The following FAM180A variants were observed in gnomAD, a reference collection of about 807,000 sequenced individuals.
FAM180A encodes protein FAM180A.
Under a neutral mutation model 15.3 loss-of-function variants are expected in FAM180A, and 14 were observed. That is an observed-to-expected ratio of 0.92 (90% confidence interval 0.61 to 1.43). The LOEUF is 1.43. Ranked by LOEUF, FAM180A falls within the 40% of genes most tolerant of loss-of-function variation. FAM180A has a pLI of 0.00. For missense variants in FAM180A, 200 were observed against 220.8 expected (o/e 0.91, Z 0.60); for synonymous variants, 90 against 96.8 (o/e 0.93, Z 0.41).
intron 1 of FAM180A, among the ~76,000 whole-genome samples, chr7:135,745,205 A>G (rs56168740): frequency 0.12 from 18,697 of 152,188 alleles, 1,270 homozygotes; most frequent in South Asian, 0.21. Flanking sequence ...CTCATGGAAC[A>G]TTCATGACTG....
intron 1 of FAM180A, among the ~76,000 whole-genome samples, chr7:135,738,811 A>G (rs920830959): frequency 6.6e-6 from 1 of 152,212 alleles, no homozygotes; most frequent in Non-Finnish European, 1.5e-5. Context: ...CAGCTGATAG[A>G]AAAAGGTACA....
At chr7:135,731,508 A>G (rs890600103) in intron 3 of FAM180A, among the ~76,000 whole-genome samples, 8 of 151,988 alleles carry the variant, frequency 5.3e-5, no homozygotes, top group African/African-American at 1.9e-4. Context: ...ATTGGGCCCA[A>G]ATATACAGCA....
Position 135,730,003 on chromosome 7 carries a change from G to A in FAM180A, c.*608C>T. 2 of 970,648 alleles carry A rather than the reference G, an allele frequency of 2.1e-6. No individual in the cohort carries two copies. The highest frequency in any genetic ancestry group is 1.8e-5 in the African/African-American group (1 of 56,994). The allele number at this position is 970,648 out of a possible 1,614,324, so 60.1% of individuals were successfully genotyped here. On this transcript the variant is annotated 3_prime_UTR_variant, in exon 4 of 4. Coordinates refer to ENST00000338588, the MANE Select transcript of FAM180A (RefSeq NM_205855.4). The stretch of plus-strand genomic sequence containing the variant: ...GTTAAGATGGTACATTTTACCTGAT[G>A]TGTTTTTTACCACAATAAAAAAAAT...
In FAM180A at chr7:135,746,675, C is replaced by G. The variant is rs749522696; in HGVS notation, c.76+1830G>C. On this transcript the variant is annotated intron_variant, in intron 1 of 3. Coordinates refer to ENST00000338588, the MANE Select transcript of FAM180A (RefSeq NM_205855.4). Reference sequence around the variant, plus strand: ...CCCAGTGTGACAAAGAGGGGAGTGACAGAACCCAACTCCAAGATCTCTTTG... The same window carrying G: ...CCCAGTGTGACAAAGAGGGGAGTGAGAGAACCCAACTCCAAGATCTCTTTG... Among the ~76,000 whole-genome samples, 4 of 152,204 alleles carry G rather than the reference C, an allele frequency of 2.6e-5. No homozygotes were observed. In the East Asian group the frequency reaches 7.7e-4, roughly 29 times the overall value.
rs1286016080 is a variant in FAM180A, at chr7:135,736,990, G to A, written c.177+109C>T. Reference sequence around the variant, plus strand: ...TTAGGCTATTCCCTACCACAGCAGGGGTCACTCATGGTCAGGGGCTGAGGG... The same window carrying A: ...TTAGGCTATTCCCTACCACAGCAGGAGTCACTCATGGTCAGGGGCTGAGGG... On this transcript the variant is annotated intron_variant, in intron 2 of 3. Coordinates refer to ENST00000338588, the MANE Select transcript of FAM180A (RefSeq NM_205855.4). 5.0e-6 allele frequency: 4 copies of A among 803,682 alleles called. No individual in the cohort carries two copies. The African/African-American group carries it at 6.8e-5, about 14-fold the overall frequency. The allele number at this position is 803,682 out of a possible 1,614,324, so 49.8% of individuals were successfully genotyped here.
rs780576658 is a variant in FAM180A at position 135,748,548 on chromosome 7, C to G, written c.33G>C (p.Leu11Phe). MHWKMLLLLLLYYNAEASMCH... is the reference protein window; with the variant it reads MHWKMLLLLLFYYNAEASMCH... ...ACATAGAAGCCTCAGCATTGTAATA[C>G]AACAGCAGAAGCAGCAACATCTTCC... Residue 11 changes from leucine (L) to phenylalanine (F), a missense_variant, in exon 1 of 4, where the codon TTG becomes TTC. Physicochemically the swap from Leu to Phe is conservative, Grantham distance 22 (BLOSUM62 0). Transcript: ENST00000338588. The G allele has an allele frequency of 1.9e-6, 3 of 1,614,170 alleles. No homozygotes were observed. Among genetic ancestry groups the G allele is most frequent in the Non-Finnish European group, 1.7e-6 (2 of 1,179,994 alleles).
chr7:135,741,031 G>A (rs1035786281), intron 1 of FAM180A, among the ~76,000 whole-genome samples: 2 of 151,820 alleles, frequency 1.3e-5, no homozygotes, highest in Admixed American at 6.6e-5. Context: ...ATGTCAGGGC[G>A]TGGAGCCCTT....
rs144726822 is a variant in FAM180A at position 135,731,802 on chromosome 7, G to A, written c.*330-1521C>T. Among the ~76,000 whole-genome samples, 300 of 152,260 alleles carry A rather than the reference G, an allele frequency of 2.0e-3. 4 individuals are homozygous for A. In the East Asian group the frequency reaches 0.021, roughly 11 times the overall value. On this transcript the variant is annotated intron_variant, in intron 3 of 3. Coordinates refer to ENST00000338588, the MANE Select transcript of FAM180A (RefSeq NM_205855.4). ...TAGTATTTCTCCAAAAAGATCATGC[G>A]GCTAGCACTGCTATGCAAAGCTTAT...
At chr7:135,739,430 GA>G in intron 1 of FAM180A, among the ~76,000 whole-genome samples, 1 of 151,668 alleles carries the variant, frequency 6.6e-6, no homozygotes, top group South Asian at 2.1e-4. Context: ...GTAACATGGT[GA>G]AACCCCATCT....
chr7:135,735,766 G>A (rs548674990), intron 2 of FAM180A, among the ~76,000 whole-genome samples: 1 of 152,070 alleles, frequency 6.6e-6, no homozygotes, highest in Non-Finnish European at 1.5e-5. Flanking sequence ...ACGGTGGTGC[G>A]ATCTGAGATC....
intron 3 of FAM180A, among the ~76,000 whole-genome samples, chr7:135,732,183 T>C (rs931944116): frequency 6.6e-6 from 1 of 152,154 alleles, no homozygotes; most frequent in African/African-American, 2.4e-5. Context: ...AAGAAAAATA[T>C]GCTCTAATAG....
intron 1 of FAM180A, among the ~76,000 whole-genome samples, chr7:135,743,030 A>G (rs1796974219): frequency 6.6e-6 from 1 of 152,230 alleles, no homozygotes; most frequent in African/African-American, 2.4e-5. Flanking sequence ...TAACTACAGA[A>G]AGGATAAATG....
rs147558222 is a variant in FAM180A at position 135,747,327 on chromosome 7, G to A, written c.76+1178C>T. Among the ~76,000 whole-genome samples, 249 of 152,130 alleles carry A rather than the reference G, an allele frequency of 1.6e-3. 1 individual carries two copies. The highest frequency in any genetic ancestry group is 5.5e-3 in the African/African-American group (229 of 41,514). The stretch of plus-strand genomic sequence containing the variant: ...AAAAAAAGAAAAGGGAGGGGTGTAC[G>A]TGTGTATGTGCATGTGTATGCAAGG... On this transcript the variant is annotated intron_variant, in intron 1 of 3. Transcript: ENST00000338588.
chr7:135,730,774 A>AAAGAATAG (rs776941591), intron 3 of FAM180A, among the ~76,000 whole-genome samples: 9 of 152,146 alleles, frequency 5.9e-5, no homozygotes, highest in Non-Finnish European at 1.2e-4. Context: ...CTCCTTGGGC[A>AAAGAATAG]AAGAATAGGG....
At chr7:135,736,683 G>A (rs1796877128) in intron 2 of FAM180A, among the ~76,000 whole-genome samples, 1 of 152,188 alleles carries the variant, frequency 6.6e-6, no homozygotes. Flanking sequence ...TGGCAGCTCA[G>A]CCAGACAGCA....
intron 1 of FAM180A, among the ~76,000 whole-genome samples, chr7:135,744,086 C>G (rs1400733203): frequency 6.6e-6 from 1 of 152,168 alleles, no homozygotes; most frequent in Admixed American, 6.5e-5. Context: ...CTACCTCCCC[C>G]ACACCTTAGC....
chr7:135,733,697 A>G lies in FAM180A; in HGVS notation c.*278T>C. On this transcript the variant is annotated 3_prime_UTR_variant, in exon 3 of 4. Coordinates refer to ENST00000338588, the MANE Select transcript of FAM180A (RefSeq NM_205855.4). ...ACTGCTCTGGGTTGAAGCATATCAG[A>G]ATTCTGCCTGCCATAGGCAAACCAT... 3.2e-6 allele frequency: 4 copies of G among 1,238,922 alleles called. No homozygotes were observed. Among genetic ancestry groups the G allele is most frequent in the Non-Finnish European group, 4.0e-6 (4 of 989,944 alleles). 76.7% of individuals were successfully genotyped at this position (1,238,922 alleles called of 1,614,324 possible).
chr7:135,743,571 G>T (rs74947449), intron 1 of FAM180A, among the ~76,000 whole-genome samples: 2,771 of 152,128 alleles, frequency 0.018, 49 homozygotes, highest in East Asian at 0.077. Context: ...TCTGCCTATT[G>T]CACACCTGCC....
chr7:135,737,479 T>C (rs1253770268), intron 1 of FAM180A, among the ~76,000 whole-genome samples: 1 of 148,138 alleles, frequency 6.8e-6, no homozygotes, highest in Non-Finnish European at 1.5e-5. Context: ...TGCAGCTACA[T>C]GGAAGGCTGA....
Sources: allele counts gnomAD v4.1 joint callset (sites outside exome capture counted in the v4.1 genomes callset), GRCh38; gene constraint gnomAD v4.1.1; transcripts MANE v1.5; gene names NCBI Gene and HGNC (gene_info 2026-07-23, HGNC 2026-07-21).